Variants in DGKK observed in about 807,000 individuals in gnomAD.
DGKK encodes 142 kDa diacylglycerol kinase.
In DGKK, 35 loss-of-function variants were observed where a neutral mutation model predicts 92.2. That is an observed-to-expected ratio of 0.38 (90% CI 0.29 to 0.50). DGKK has a LOEUF of 0.50. Ranked by LOEUF, DGKK falls within the 20% of genes least tolerant of loss-of-function variation. DGKK has a pLI of 0.92. For synonymous variants in DGKK, 368 were observed against 360.6 expected, an observed-to-expected ratio of 1.02 and a Z score of -0.23; for missense variants, 910 against 992.2, an observed-to-expected ratio of 0.92 and a Z score of 1.11.
intron 12 of DGKK, among the ~76,000 whole-genome samples, chrX:50,389,513 G>T: frequency 8.9e-6 from 1 of 111,890 alleles, no homozygotes; most frequent in Admixed American, 9.5e-5. Flanking sequence ...ATGTGATAAA[G>T]CACGCATAGG....
chrX:50,430,374 A>G (rs971842675), intron 1 of DGKK, among the ~76,000 whole-genome samples: 2 of 112,142 alleles, frequency 1.8e-5, no homozygotes, highest in Admixed American at 9.4e-5. Context: ...AAACCACAGC[A>G]CACTGCAGGC....
intron 1 of DGKK, among the ~76,000 whole-genome samples, chrX:50,434,113 C>T (rs1030826160): frequency 1.8e-5 from 2 of 111,016 alleles, no homozygotes; most frequent in Non-Finnish European, 3.8e-5. Context: ...GCTCCCACCA[C>T]CAAGAAACAT....
At chrX:50,388,293 T>C (rs1924599586) in intron 13 of DGKK, among the ~76,000 whole-genome samples, 1 of 112,321 alleles carries the variant, frequency 8.9e-6, no homozygotes, top group Non-Finnish European at 1.9e-5. Context: ...CCTACTATAA[T>C]TCTCTTCCCA....
At chrX:50,452,990 G>A (rs1213035867) in intron 1 of DGKK, among the ~76,000 whole-genome samples, 1 of 111,536 alleles carries the variant, frequency 9.0e-6, no homozygotes, top group Admixed American at 9.5e-5. Flanking sequence ...CAGTTTAAAT[G>A]ATGAATCATC....
intron 1 of DGKK, among the ~76,000 whole-genome samples, chrX:50,427,726 T>C (rs1156741415): frequency 3.7e-5 from 4 of 109,026 alleles, no homozygotes; most frequent in Non-Finnish European, 7.6e-5. Context: ...TTTCTATATA[T>C]CTAAAACTGC....
At chrX:50,373,971 A>G (rs1924204913) in intron 25 of DGKK, among the ~76,000 whole-genome samples, 1 of 111,960 alleles carries the variant, frequency 8.9e-6, no homozygotes, top group African/African-American at 3.2e-5. Flanking sequence ...CTAGGCACTG[A>G]TAGGTACTTA....
At chrX:50,447,358 ATATATATATAT>A (rs1926356686) in intron 1 of DGKK, among the ~76,000 whole-genome samples, 1 of 6,636 alleles carries the variant, frequency 1.5e-4, no homozygotes, top group Non-Finnish European at 2.0e-4. Context: ...TATATATATA[ATATATATATAT>A]TATATATATA....
chrX:50,366,697 C>T lies in DGKK; in HGVS notation c.*2243G>A, dbSNP rs1280660128. On this transcript the variant is annotated 3_prime_UTR_variant, in exon 28 of 28. Transcript: ENST00000611977. ...TTGCTCATTTGGACATTTTCCCCTT[C>T]GGAAAAAGCTCTTCTGAAGAAAATG... 7.1e-5 allele frequency: 8 copies of T among 112,037 alleles called. No homozygotes were observed. The highest frequency in any genetic ancestry group is 1.3e-4 in the African/African-American group (4 of 30,825). The allele number at this position is 112,037 out of a possible 1,213,427, so 9.2% of individuals were successfully genotyped here.
At chrX:50,423,055 T>C (rs1925640112) in intron 2 of DGKK, among the ~76,000 whole-genome samples, 2 of 112,447 alleles carry the variant, frequency 1.8e-5, no homozygotes, top group Middle Eastern at 4.6e-3. Flanking sequence ...GTATACAAAC[T>C]GTGCAGTCAC....
Position 50,376,102 on chromosome X carries a change from G to C in DGKK, c.3336C>G (p.Ser1112Arg), listed in dbSNP as rs369521039. 47 of 1,209,250 alleles carry C rather than the reference G, an allele frequency of 3.9e-5. No homozygotes were observed. The highest frequency in any genetic ancestry group is 4.4e-5 in the Non-Finnish European group (39 of 894,759). Residue 1112 changes from serine (S) to arginine (R), a missense_variant, in exon 24 of 28, where the codon AGC becomes AGG. Ser to Arg is a moderately radical substitution (Grantham distance 110). Coordinates refer to ENST00000611977, the MANE Select transcript of DGKK (RefSeq NM_001013742.4). ...AAAATATATCATTCAGGATGTTAGCGCTGGCATTCACAGAACCCATGAGGA... is the reference window on the plus strand; with the variant it reads ...AAAATATATCATTCAGGATGTTAGCCCTGGCATTCACAGAACCCATGAGGA... ...VSVLMGSVNA[S>R]ANILNDIFYG...
chrX:50,441,403 G>A (rs1454176786), intron 1 of DGKK, among the ~76,000 whole-genome samples: 3 of 111,256 alleles, frequency 2.7e-5, no homozygotes, highest in East Asian at 5.7e-4. Flanking sequence ...GTGGGTACAC[G>A]AATATTTGGA....
chrX:50,470,349 G>A lies in DGKK; in HGVS notation c.330C>T (p.Ala110=), dbSNP rs1927034132. 4 of 1,207,792 alleles carry A rather than the reference G, an allele frequency of 3.3e-6. No individual in the cohort carries two copies. In the Admixed American group the frequency reaches 8.7e-5, roughly 26 times the overall value. The change falls in exon 1 of 28, where the codon GCC becomes GCT. Residue 110 remains alanine (A), a synonymous_variant. Transcript: ENST00000611977. ...EPAPEPATEP[A]PEPAPEPATE... is the part of the protein sequence containing the mutation. ...TGGCAGGTTCTGGGGCCGGTTCTGG[G>A]GCCGGCTCTGTGGCAGGTTCTGGGG...
chrX:50,469,455 G>C (rs1356034669), intron 1 of DGKK, among the ~76,000 whole-genome samples: 1 of 112,402 alleles, frequency 8.9e-6, no homozygotes, highest in Admixed American at 9.3e-5. Flanking sequence ...CCATCCCCTC[G>C]TCCTCACCAG....
rs1373467477 is a variant in DGKK, at chrX:50,372,455, G to A, written c.3502-621C>T. On this transcript the variant is annotated intron_variant, in intron 25 of 27. Coordinates refer to ENST00000611977, the MANE Select transcript of DGKK (RefSeq NM_001013742.4). ...AGGGAATCTTTATTACATGCTTACT[G>A]TAATTTAAAGGTTGTTTTGTGAAGC... Among the ~76,000 whole-genome samples the A allele has an allele frequency of 5.4e-5, 6 of 111,815 alleles. No homozygotes were observed. In the Admixed American group the frequency reaches 5.7e-4, roughly 11 times the overall value.
At chrX:50,456,228 T>C (rs1926608138) in intron 1 of DGKK, among the ~76,000 whole-genome samples, 1 of 111,916 alleles carries the variant, frequency 8.9e-6, no homozygotes, top group South Asian at 3.8e-4. Flanking sequence ...ATCAGAGGCA[T>C]TGGTGAAACA....
intron 1 of DGKK, among the ~76,000 whole-genome samples, chrX:50,428,545 G>A (rs1015313231): frequency 8.9e-6 from 1 of 111,938 alleles, no homozygotes; most frequent in African/African-American, 3.2e-5. Context: ...AAATGAAGTT[G>A]TATTGCTTTG....
chrX:50,410,644 T>A lies in DGKK; in HGVS notation c.943-6460A>T, dbSNP rs143618249. ...TACCATTATGAATATCCCAGAACTT[T>A]GGAGTGAGGCTGAGACAACCCCCTT... On this transcript the variant is annotated intron_variant, in intron 4 of 27. Transcript: ENST00000611977. Among the ~76,000 whole-genome samples, 34 of 111,565 alleles carry A rather than the reference T, an allele frequency of 3.0e-4. 2 individuals carry two copies. The East Asian group carries it at 9.4e-3, about 31-fold the overall frequency.
chrX:50,449,426 TG>T (rs1926443199), intron 1 of DGKK, among the ~76,000 whole-genome samples: 1 of 111,515 alleles, frequency 9.0e-6, no homozygotes, highest in Admixed American at 9.5e-5. Context: ...CAACGTTCAA[TG>T]GTATTGGGAC....
At chrX:50,426,114 CCCAACTTGTTCTG>C (rs1435250336) in intron 1 of DGKK, among the ~76,000 whole-genome samples, 1 of 112,065 alleles carries the variant, frequency 8.9e-6, no homozygotes, top group Non-Finnish European at 1.9e-5. Context: ...CTGCCCTTTT[CCCAACTTGTTCTG>C]CTCTGTTAAA....
Sources: gnomAD v4.1 joint callset for allele counts (sites outside exome capture counted in the v4.1 genomes callset) on GRCh38, gnomAD v4.1.1 for gene constraint, MANE v1.5 for transcripts, NCBI Gene and HGNC (gene_info 2026-07-23, HGNC 2026-07-21) for gene names.